CNNM2: variants seen among roughly 807,000 people sequenced by gnomAD.
CNNM2 encodes metal transporter CNNM2.
In CNNM2, 12 loss-of-function variants were observed where a neutral mutation model predicts 66.9. The observed-to-expected ratio is 0.18, with a 90% CI of 0.11 to 0.29. The LOEUF (loss-of-function observed/expected upper bound fraction) is 0.29, where lower values mean the gene tolerates loss of function less well. Among genes scored for constraint, CNNM2 ranks in the 10% least tolerant of loss-of-function variants. The pLI is 1.00. For missense variants in CNNM2, 705 were observed against 1,167.7 expected, an observed-to-expected ratio of 0.60 and a Z score of 5.77; for synonymous variants, 557 against 501.8, an observed-to-expected ratio of 1.11 and a Z score of -1.47.
intron 1 of CNNM2, among the ~76,000 whole-genome samples, chr10:102,945,142 G>T (rs959011304): frequency 6.6e-6 from 1 of 152,094 alleles, no homozygotes; most frequent in South Asian, 2.1e-4. Flanking sequence ...TAAAAAGTAT[G>T]ACTCTGCAAA....
chr10:103,013,658 C>A (rs1173084390), intron 1 of CNNM2, among the ~76,000 whole-genome samples: 1 of 152,102 alleles, frequency 6.6e-6, no homozygotes, highest in African/African-American at 2.4e-5. Flanking sequence ...ATGGAACAAC[C>A]TATTAGGGAA....
intron 2 of CNNM2, among the ~76,000 whole-genome samples, chr10:103,053,414 G>A (rs914441301): frequency 6.6e-6 from 1 of 152,214 alleles, no homozygotes; most frequent in African/African-American, 2.4e-5. Flanking sequence ...CTACTTGGGA[G>A]GCAGAGGTGA....
rs781315793 is a variant in CNNM2 at position 103,076,219 on chromosome 10, C to T, written c.2367C>T (p.Val789=). Residue 789 remains valine (V), a synonymous_variant, in exon 7 of 8, where the codon GTC becomes GTT. Transcript: ENST00000369878. ...NNQLNSSLLQ[V]YIPDYSVRAL... is the part of the protein sequence containing the mutation. Reference sequence around the variant, plus strand: ...AGCTCAATTCTTCGCTCCTCCAAGTCTACATCCCCGATTACTCGGTGCGAG... The same window carrying T: ...AGCTCAATTCTTCGCTCCTCCAAGTTTACATCCCCGATTACTCGGTGCGAG... 2 of 1,582,414 alleles carry T rather than the reference C, an allele frequency of 1.3e-6. No individual in the cohort carries two copies. Among genetic ancestry groups the T allele is most frequent in the Non-Finnish European group, 1.7e-6 (2 of 1,163,986 alleles).
At chr10:103,067,988 C>T (rs1278196952) in intron 4 of CNNM2, among the ~76,000 whole-genome samples, 1 of 152,196 alleles carries the variant, frequency 6.6e-6, no homozygotes, top group African/African-American at 2.4e-5. Flanking sequence ...GGGTTCTACC[C>T]AGGTTATTCC....
Position 103,077,848 on chromosome 10 carries a change from C to CTGAG in CNNM2, c.*668_*669insTGAG, listed in dbSNP as rs2065716203. 1 of 152,682 alleles carries CTGAG rather than the reference C, an allele frequency of 6.5e-6. No individual in the cohort carries two copies. The highest frequency in any genetic ancestry group is 2.4e-5 in the African/African-American group (1 of 41,452). 9.5% of individuals were successfully genotyped at this position (152,682 alleles called of 1,614,324 possible). A position where few individuals can be genotyped will look rare whatever the true frequency, so the allele number is the denominator to read the frequency against. On this transcript the variant is annotated 3_prime_UTR_variant, in exon 8 of 8. Coordinates refer to ENST00000369878, the MANE Select transcript of CNNM2 (RefSeq NM_017649.5). Reference sequence around the variant, plus strand: ...TGAGAATTTAATGTTTAACTGTACCCCTTTCCCTCAGGAAGATTTAACATT... The same window carrying CTGAG: ...TGAGAATTTAATGTTTAACTGTACCCTGAGCTTTCCCTCAGGAAGATTTAACATT...
At chr10:102,948,217 T>C (rs1053026006) in intron 1 of CNNM2, among the ~76,000 whole-genome samples, 14 of 152,098 alleles carry the variant, frequency 9.2e-5, no homozygotes, top group Non-Finnish European at 1.8e-4. Flanking sequence ...GACAGTTTGG[T>C]GGGGGAGATA....
intron 1 of CNNM2, among the ~76,000 whole-genome samples, chr10:102,996,778 T>A (rs575957086): frequency 3.3e-5 from 5 of 152,266 alleles, no homozygotes; most frequent in Admixed American, 3.3e-4. Flanking sequence ...GTTCACTTCA[T>A]ATCCTAGTAG....
At chr10:102,983,260 A>AT (rs2063744465) in intron 1 of CNNM2, among the ~76,000 whole-genome samples, 1 of 149,138 alleles carries the variant, frequency 6.7e-6, no homozygotes, top group Admixed American at 6.7e-5. Flanking sequence ...TATGCTATAT[A>AT]TTATATAACT....
At chr10:102,976,414 C>A (rs1369674557) in intron 1 of CNNM2, among the ~76,000 whole-genome samples, 1 of 130,332 alleles carries the variant, frequency 7.7e-6, no homozygotes. Context: ...AGTATCAGTT[C>A]CAATTCTTGC....
intron 1 of CNNM2, among the ~76,000 whole-genome samples, chr10:102,980,032 A>G (rs545677527): frequency 4.0e-5 from 6 of 151,444 alleles, no homozygotes; most frequent in South Asian, 2.1e-4. Flanking sequence ...TCCTGCCTCA[A>G]CCTCCCAAGT....
chr10:102,966,995 A>C (rs1037078120), intron 1 of CNNM2, among the ~76,000 whole-genome samples: 1 of 152,168 alleles, frequency 6.6e-6, no homozygotes, highest in Non-Finnish European at 1.5e-5. Context: ...CCATGGGGCT[A>C]CCTGGGGTCT....
intron 1 of CNNM2, among the ~76,000 whole-genome samples, chr10:103,010,394 T>A (rs1418698599): frequency 6.6e-6 from 1 of 152,008 alleles, no homozygotes; most frequent in East Asian, 1.9e-4. Context: ...TGTGCCACCA[T>A]GCCCGGCTAA....
At chr10:102,992,771 T>C (rs1564835926) in intron 1 of CNNM2, among the ~76,000 whole-genome samples, 1 of 152,176 alleles carries the variant, frequency 6.6e-6, no homozygotes, top group Non-Finnish European at 1.5e-5. Context: ...AGCCCTGTAT[T>C]TGAACCTCAG....
At position 103,084,484 on chromosome 10, in the gene CNNM2, A is replaced by G. The variant is rs1590524826; in HGVS notation, c.*7304A>G. 1.3e-5 allele frequency: 2 copies of G among 152,354 alleles called. No homozygotes were observed. Among genetic ancestry groups the G allele is most frequent in the Non-Finnish European group, 1.5e-5 (1 of 68,038 alleles). The allele number at this position is 152,354 out of a possible 1,614,324, so 9.4% of individuals were successfully genotyped here. On this transcript the variant is annotated 3_prime_UTR_variant, in exon 8 of 8. Coordinates refer to ENST00000369878, the MANE Select transcript of CNNM2 (RefSeq NM_017649.5). ...TAGAAGCAGGGCAGAAAGTGGCAGC[A>G]GAGCTAGGGAAAGAAATCATGGTAG... is the stretch of plus-strand genomic sequence containing the variant.
At chr10:102,936,086 T>C (rs1846231242) in intron 1 of CNNM2, among the ~76,000 whole-genome samples, 1 of 151,720 alleles carries the variant, frequency 6.6e-6, no homozygotes, top group Non-Finnish European at 1.5e-5. Flanking sequence ...CAAAGACAGA[T>C]TGAGGGCATC....
At chr10:103,048,125 A>G (rs2065157118) in intron 1 of CNNM2, among the ~76,000 whole-genome samples, 1 of 150,468 alleles carries the variant, frequency 6.6e-6, no homozygotes, top group Non-Finnish European at 1.5e-5. Context: ...GGGTTTCACC[A>G]TGTTGGCCAG....
At chr10:103,063,586 C>T (rs1265921527) in intron 4 of CNNM2, among the ~76,000 whole-genome samples, 1 of 152,168 alleles carries the variant, frequency 6.6e-6, no homozygotes, top group Non-Finnish European at 1.5e-5. Flanking sequence ...GTTGTGGACA[C>T]TTAGAAACTT....
At chr10:102,957,813 C>T (rs1300995313) in intron 1 of CNNM2, among the ~76,000 whole-genome samples, 1 of 152,182 alleles carries the variant, frequency 6.6e-6, no homozygotes, top group African/African-American at 2.4e-5. Flanking sequence ...GATCGCTTAC[C>T]TGGGCATTAC....
At chr10:103,034,997 A>G (rs1466650190) in intron 1 of CNNM2, among the ~76,000 whole-genome samples, 1 of 147,388 alleles carries the variant, frequency 6.8e-6, no homozygotes, top group Admixed American at 6.9e-5. Context: ...AAAATCTCCT[A>G]CTATTGGCTG....
Sources: allele counts gnomAD v4.1 joint callset (sites outside exome capture counted in the v4.1 genomes callset), GRCh38; gene constraint gnomAD v4.1.1; transcripts MANE v1.5; gene names NCBI Gene and HGNC (gene_info 2026-07-23, HGNC 2026-07-21).